Variants in MICAL3 observed in about 807,000 individuals in gnomAD.
The protein encoded by MICAL3 is microtubule associated monooxygenase, calponin and LIM domain containing 3.
Under a neutral mutation model 207.4 loss-of-function variants are expected in MICAL3, and 62 were observed. That is an observed-to-expected ratio of 0.30 (90% CI 0.24 to 0.37). The LOEUF (loss-of-function observed/expected upper bound fraction) is 0.37, where lower values mean the gene tolerates loss of function less well. Among genes scored for constraint, MICAL3 ranks in the 10% least tolerant of loss-of-function variants. The pLI, the probability that MICAL3 is intolerant of heterozygous loss-of-function variation, is 1.00. For synonymous variants in MICAL3, 1,077 were observed against 1,069.3 expected (o/e 1.01, Z -0.14); for missense variants, 2,368 against 2,635.6 (o/e 0.90, Z 2.22).
intron 29 of MICAL3, among the ~76,000 whole-genome samples, chr22:17,798,743 G>C (rs56023606): frequency 6.9e-4 from 98 of 143,050 alleles, no homozygotes; most frequent in African/African-American, 2.6e-3. Flanking sequence ...GCGCGATCTC[G>C]GCTCACTGCA....
At chr22:17,799,330 G>A (rs575279239) in intron 29 of MICAL3, among the ~76,000 whole-genome samples, 1 of 152,290 alleles carries the variant, frequency 6.6e-6, no homozygotes, top group South Asian at 2.1e-4. Flanking sequence ...TGCAGTGAGT[G>A]GAGATGGCGC....
At position 18,002,902 on chromosome 22, in the gene MICAL3, A is replaced by G. The variant is rs1328479476; in HGVS notation, c.-75+21379T>C. 2.0e-5 allele frequency among the ~76,000 whole-genome samples: 3 copies of G among 152,150 alleles called. 1 individual carries two copies. The South Asian group carries it at 6.2e-4, about 32-fold the overall frequency. The stretch of plus-strand genomic sequence containing the variant: ...CTGGGCGCGGTGGCTCACGCCTATA[A>G]TCCCAGCACTTTGGGAGGCCAAGGC... On this transcript the variant is annotated intron_variant, in intron 1 of 31. Transcript: ENST00000441493.
intron 27 of MICAL3, among the ~76,000 whole-genome samples, chr22:17,816,472 A>G (rs9618124): frequency 0.023 from 3,549 of 152,324 alleles, 145 homozygotes; most frequent in African/African-American, 0.08. Flanking sequence ...AAGAAATCAG[A>G]AGCCCTTGCT....
At position 17,896,796 on chromosome 22, in the gene MICAL3, C is replaced by T. The variant is rs200842018; in HGVS notation, c.1134G>A (p.Glu378=). ...MFDFTCMYAS[E]NAALVREQNG... ...TCTGCTCCCGCACCAAGGCGGCGTT[C>T]TCGGAGGCATACATACAAGTGAAGT... The change falls in exon 8 of 32, where the codon GAG becomes GAA. Residue 378 remains glutamate (E), a synonymous_variant. Transcript: ENST00000441493. The T allele has an allele frequency of 3.1e-6, 5 of 1,614,082 alleles. No homozygotes were observed. The highest frequency in any genetic ancestry group is 4.2e-6 in the Non-Finnish European group (5 of 1,180,040).
chr22:17,836,317 T>G (rs1923359262), intron 20 of MICAL3, among the ~76,000 whole-genome samples: 6 of 152,202 alleles, frequency 3.9e-5, no homozygotes, highest in Admixed American at 3.9e-4. Context: ...GTAGCTCATT[T>G]AATCGCACAA....
At chr22:17,855,082 G>A (rs925091673) in intron 19 of MICAL3, among the ~76,000 whole-genome samples, 26 of 152,152 alleles carry the variant, frequency 1.7e-4, no homozygotes, top group Non-Finnish European at 3.2e-4. Context: ...TGCCACACAT[G>A]CCCAGGAGGC....
At chr22:17,941,079 T>C (rs1316197182) in intron 1 of MICAL3, among the ~76,000 whole-genome samples, 1 of 152,018 alleles carries the variant, frequency 6.6e-6, no homozygotes, top group African/African-American at 2.4e-5. Flanking sequence ...CCAAGCAGAG[T>C]ACTGCTTCCA....
At chr22:17,864,010 A>T in intron 19 of MICAL3, 1 of 985,524 alleles carries the variant, frequency 1.0e-6, no homozygotes, top group Non-Finnish European at 1.2e-6. Flanking sequence ...CTGGGCCGTG[A>T]ACCACCTGGA....
At position 17,790,914 on chromosome 22, in the gene MICAL3, G is replaced by A; in HGVS notation, c.5827C>T (p.His1943Tyr). Reference sequence around the variant, plus strand: ...GACAGCTCCTCCTCAGTCTTAAGGTGATCTTGAAGGAGAAGAAGGCATGAG... The same window carrying A: ...GACAGCTCCTCCTCAGTCTTAAGGTAATCTTGAAGGAGAAGAAGGCATGAG... ...ELRERMAVED[H>Y]LKTEEELSEE... is the part of the protein sequence containing the mutation. Residue 1943 changes from histidine to tyrosine, a missense_variant and splice_region_variant, in exon 32 of 32, where the codon CAC becomes TAC. Physicochemically the swap from His to Tyr is moderately conservative, Grantham distance 83 (BLOSUM62 2). Coordinates refer to ENST00000441493, the MANE Select transcript of MICAL3 (RefSeq NM_015241.3). The A allele has an allele frequency of 6.2e-7, 1 of 1,613,652 alleles. No individual in the cohort carries two copies.
At chr22:17,809,635 A>C (rs1033904393) in intron 28 of MICAL3, among the ~76,000 whole-genome samples, 6 of 152,072 alleles carry the variant, frequency 3.9e-5, no homozygotes, top group African/African-American at 1.4e-4. Context: ...GTCTCAAACA[A>C]AACAAAACAA....
intron 1 of MICAL3, among the ~76,000 whole-genome samples, chr22:17,921,013 C>A (rs1373746028): frequency 1.3e-5 from 2 of 152,100 alleles, no homozygotes; most frequent in East Asian, 3.9e-4. Context: ...AAGATGACTC[C>A]CTCGCATTTT....
intron 19 of MICAL3, chr22:17,861,527 A>G (rs1439953826): frequency 1.5e-5 from 15 of 985,324 alleles, no homozygotes; most frequent in Non-Finnish European, 1.8e-5. Flanking sequence ...TCAGATAAAA[A>G]GAGGATTCCT....
chr22:17,876,856 T>TGGAGGTTAGGGAGGTTAGGGAGGTTAG (rs1569109285), intron 16 of MICAL3: 2 of 25,566 alleles, frequency 7.8e-5, no homozygotes, highest in African/African-American at 1.7e-4. Flanking sequence ...AGGGAGGTTA[T>TGGAGGTTAGGGAGGTTAGGGAGGTTAG]GGAGGTTAGG....
At chr22:17,942,189 T>G (rs1457908591) in intron 1 of MICAL3, among the ~76,000 whole-genome samples, 1 of 152,140 alleles carries the variant, frequency 6.6e-6, no homozygotes, top group Non-Finnish European at 1.5e-5. Flanking sequence ...GCCCGGTGAT[T>G]GTATGCTTGC....
intron 1 of MICAL3, among the ~76,000 whole-genome samples, chr22:17,944,149 T>A (rs1420323823): frequency 1.3e-5 from 2 of 151,986 alleles, no homozygotes; most frequent in Non-Finnish European, 2.9e-5. Flanking sequence ...TCCACTCCAG[T>A]GGAGAGAGAG....
chr22:17,862,275 A>G lies in MICAL3; in HGVS notation c.2605+2624T>C, dbSNP rs1478887194. 16 of 869,316 alleles carry G rather than the reference A, an allele frequency of 1.8e-5. No homozygotes were observed. In the East Asian group the frequency reaches 1.8e-3, roughly 99 times the overall value. The allele number at this position is 869,316 out of a possible 1,614,324, so 53.9% of individuals were successfully genotyped here. On this transcript the variant is annotated intron_variant, in intron 19 of 31. Coordinates refer to ENST00000441493, the MANE Select transcript of MICAL3 (RefSeq NM_015241.3). ...TTCCCTTTTCTTCTTTTTTTTTTTT[A>G]GATGGAGTCTTGCTCTGTCATCAGG... is the stretch of plus-strand genomic sequence containing the variant.
rs376281816 is a variant in MICAL3 at position 17,866,768 on chromosome 22, G to A, written c.2429-756C>T. Among the ~76,000 whole-genome samples, 11 of 152,322 alleles carry A rather than the reference G, an allele frequency of 7.2e-5. No individual in the cohort carries two copies. In the East Asian group the frequency reaches 2.1e-3, roughly 29 times the overall value. Reference sequence around the variant, plus strand: ...AGCTGTGTCTGGGTCTCAATGTAACGTGCATCCCCGTGGGGGGTGTCGTCA... The same window carrying A: ...AGCTGTGTCTGGGTCTCAATGTAACATGCATCCCCGTGGGGGGTGTCGTCA... On this transcript the variant is annotated intron_variant, in intron 17 of 31. Transcript: ENST00000441493.
At chr22:17,990,271 T>C (rs1315534556) in intron 1 of MICAL3, among the ~76,000 whole-genome samples, 2 of 152,122 alleles carry the variant, frequency 1.3e-5, no homozygotes, top group South Asian at 4.1e-4. Flanking sequence ...GAGGGCACTG[T>C]TCATTCTCAC....
At chr22:17,821,396 CTGTACCCCA>C (rs1391017790) in intron 25 of MICAL3, 22 bp downstream of exon 25, 2 of 1,527,888 alleles carry the variant, frequency 1.3e-6, no homozygotes, top group Admixed American at 4.1e-5. Context: ...CATTAGTTCT[CTGTACCCCA>C]CAGCGAGCCC....
Sources: gnomAD v4.1 joint callset for allele counts (sites outside exome capture counted in the v4.1 genomes callset) on GRCh38, gnomAD v4.1.1 for gene constraint, MANE v1.5 for transcripts, NCBI Gene and HGNC (gene_info 2026-07-23, HGNC 2026-07-21) for gene names.